Variants in TAF4B observed in about 807,000 individuals in gnomAD.
The protein encoded by TAF4B is TATA-box binding protein associated factor 4b, also known as transcription initiation factor TFIID subunit 4B.
A neutral mutation model predicts 86.4 loss-of-function variants in TAF4B; 38 were observed. The ratio of observed to expected loss-of-function variants is 0.44; its 90% CI spans 0.34 to 0.58. The LOEUF is 0.58. TAF4B is among the 20% of genes least tolerant of loss of function. The pLI is 0.02. For missense variants in TAF4B, 988 were observed against 1,027.6 expected (o/e 0.96, Z 0.53); for synonymous variants, 388 against 391.2 (o/e 0.99, Z 0.10).
chr18:26,297,760 T>G (rs184451397), intron 9 of TAF4B, among the ~76,000 whole-genome samples: 1 of 152,328 alleles, frequency 6.6e-6, no homozygotes, highest in East Asian at 1.9e-4. Context: ...ATATTTGGGT[T>G]GTTTACAGTT....
intron 9 of TAF4B, among the ~76,000 whole-genome samples, chr18:26,303,057 T>C (rs2056754447): frequency 7.3e-6 from 1 of 136,812 alleles, no homozygotes; most frequent in Non-Finnish European, 1.6e-5. Flanking sequence ...TCCACTTTCA[T>C]ACCCGCTCCA....
At chr18:26,285,480 C>T (rs2056508403) in intron 6 of TAF4B, among the ~76,000 whole-genome samples, 2 of 152,044 alleles carry the variant, frequency 1.3e-5, no homozygotes, top group South Asian at 4.2e-4. Flanking sequence ...AGCCACTGCA[C>T]CTATTTCTAT....
Position 26,282,046 on chromosome 18 carries a change from G to A in TAF4B, c.958G>A (p.Val320Ile), listed in dbSNP as rs773855169. The change falls in exon 6 of 15, where the codon GTT (valine) becomes ATT (isoleucine). Residue 320 changes from valine (V) to isoleucine (I), a missense_variant. Val to Ile is a conservative substitution (Grantham distance 29). This residue lies in a region of TAF4B where 747 missense variants were observed against 737.9 expected (regional missense o/e 1.01). Coordinates refer to ENST00000269142, the MANE Select transcript of TAF4B (RefSeq NM_005640.3). ...ELKSSPQPHL[V>I]PFLKKSVVAL... is the part of the protein sequence containing the mutation. ...CAAGTCTTCACCTCAGCCTCACCTGGTTCCTTTTCTTAAGGTAGAGTTATG... is the reference window on the plus strand; with the variant it reads ...CAAGTCTTCACCTCAGCCTCACCTGATTCCTTTTCTTAAGGTAGAGTTATG... The A allele has an allele frequency of 6.2e-7, 1 of 1,612,358 alleles. No individual in the cohort carries two copies. Among genetic ancestry groups the A allele is most frequent in the Admixed American group, 1.7e-5 (1 of 59,796 alleles).
At chr18:26,282,135 A>C in intron 6 of TAF4B, 75 bp downstream of exon 6, 2 of 1,221,510 alleles carry the variant, frequency 1.6e-6, no homozygotes, top group Non-Finnish European at 2.4e-6. Context: ...GGAATATTTC[A>C]ATATGACAGC....
At chr18:26,332,878 A>G (rs1598806307) in intron 12 of TAF4B, among the ~76,000 whole-genome samples, 1 of 151,998 alleles carries the variant, frequency 6.6e-6, no homozygotes, top group African/African-American at 2.4e-5. Context: ...ATTCCTTATC[A>G]TGGCCTACAA....
chr18:26,369,851 T>C (rs1465276160), intron 14 of TAF4B, among the ~76,000 whole-genome samples: 2 of 152,228 alleles, frequency 1.3e-5, no homozygotes, highest in African/African-American at 2.4e-5. Context: ...CTTTATACCA[T>C]TGGTAGCTGC....
intron 5 of TAF4B, 86 bp from the exon 6 acceptor site, chr18:26,281,885 C>T: frequency 1.1e-6 from 1 of 948,002 alleles, no homozygotes. Flanking sequence ...GAAAAGTTTG[C>T]TATGTCTACA....
At chr18:26,311,164 G>C (rs1192831726) in intron 9 of TAF4B, among the ~76,000 whole-genome samples, 1 of 152,138 alleles carries the variant, frequency 6.6e-6, no homozygotes, top group Non-Finnish European at 1.5e-5. Context: ...CAAATACATT[G>C]ATTAGAAAAG....
At chr18:26,388,227 TTTC>T (rs1020073095) in intron 14 of TAF4B, among the ~76,000 whole-genome samples, 8 of 152,234 alleles carry the variant, frequency 5.3e-5, no homozygotes, top group Non-Finnish European at 5.9e-5. Context: ...GTTCTGTGTT[TTTC>T]TTTTCTTCCA....
At chr18:26,282,729 C>T (rs1485019135) in intron 6 of TAF4B, among the ~76,000 whole-genome samples, 1 of 152,198 alleles carries the variant, frequency 6.6e-6, no homozygotes, top group Non-Finnish European at 1.5e-5. Context: ...GCATGCAGTG[C>T]TGTCTGATAG....
At chr18:26,227,309 C>T (rs371578745) in intron 1 of TAF4B, 33 bp downstream of exon 1, 11 of 1,590,340 alleles carry the variant, frequency 6.9e-6, no homozygotes, top group Non-Finnish European at 9.4e-6. Context: ...CCTTGTCTGT[C>T]GGTCCAGCTG....
chr18:26,286,741 TGGCACGATCTC>T (rs2056529144), intron 7 of TAF4B, among the ~76,000 whole-genome samples: 1 of 152,150 alleles, frequency 6.6e-6, no homozygotes, highest in South Asian at 2.1e-4. Flanking sequence ...TGGAGTGCAG[TGGCACGATCTC>T]GGCTCACTGT....
At chr18:26,342,378 T>A (rs1791741) in intron 13 of TAF4B, among the ~76,000 whole-genome samples, 4 of 152,016 alleles carry the variant, frequency 2.6e-5, no homozygotes, top group African/African-American at 9.7e-5. Context: ...AATGTGCCCC[T>A]GTTCCTGTCC....
At chr18:26,272,916 C>T (rs2056339267) in intron 3 of TAF4B, among the ~76,000 whole-genome samples, 1 of 152,092 alleles carries the variant, frequency 6.6e-6, no homozygotes, top group South Asian at 2.1e-4. Flanking sequence ...ATTGTACTAA[C>T]TTAGGTGTAA....
chr18:26,347,776 A>G (rs2057212016), intron 13 of TAF4B, among the ~76,000 whole-genome samples: 1 of 152,234 alleles, frequency 6.6e-6, no homozygotes, highest in Non-Finnish European at 1.5e-5. Flanking sequence ...AGGAGTAGCT[A>G]TACTTACATA....
Position 26,287,470 on chromosome 18 carries a change from A to C in TAF4B, c.1590+971A>C, listed in dbSNP as rs573573627. ...TTCTTGGGTGAAAGAAGGAAATTTTAGCTGTTTGTCGATTAGTGTTTAGAA... is the reference window on the plus strand; with the variant it reads ...TTCTTGGGTGAAAGAAGGAAATTTTCGCTGTTTGTCGATTAGTGTTTAGAA... On this transcript the variant is annotated intron_variant, in intron 7 of 14. Coordinates refer to ENST00000269142, the MANE Select transcript of TAF4B (RefSeq NM_005640.3). Among the ~76,000 whole-genome samples the C allele has an allele frequency of 3.2e-4, 49 of 152,284 alleles. 1 individual carries two copies. The South Asian group carries it at 9.9e-3, about 31-fold the overall frequency.
intron 7 of TAF4B, among the ~76,000 whole-genome samples, chr18:26,291,656 G>T (rs2056594568): frequency 6.9e-6 from 1 of 145,418 alleles, no homozygotes; most frequent in African/African-American, 2.5e-5. Context: ...GCAGTGAGCT[G>T]AGATGGCACC....
intron 1 of TAF4B, among the ~76,000 whole-genome samples, chr18:26,251,354 C>T (rs1303812226): frequency 6.6e-6 from 1 of 152,084 alleles, no homozygotes; most frequent in Non-Finnish European, 1.5e-5. Context: ...CTTTAAGGCT[C>T]TTAGATTTGT....
intron 9 of TAF4B, among the ~76,000 whole-genome samples, chr18:26,298,926 A>G (rs1353691087): frequency 1.5e-5 from 2 of 134,990 alleles, no homozygotes; most frequent in Non-Finnish European, 3.0e-5. Flanking sequence ...CAATGGTGCA[A>G]TCTCAGCTCA....
Sources: allele counts gnomAD v4.1 joint callset (sites outside exome capture counted in the v4.1 genomes callset), GRCh38; gene constraint gnomAD v4.1.1; regional missense constraint gnomAD v4.1.1; transcripts MANE v1.5; gene names NCBI Gene and HGNC (gene_info 2026-07-23, HGNC 2026-07-21).